Variants in GRIA2 observed in about 807,000 individuals in gnomAD.
GRIA2 encodes glutamate ionotropic receptor AMPA type subunit 2.
A neutral mutation model predicts 97.3 loss-of-function variants in GRIA2; 14 were observed. That is an observed-to-expected ratio of 0.14 (90% CI 0.10 to 0.23). The LOEUF is 0.23. Ranked by LOEUF, GRIA2 falls within the 10% of genes least tolerant of loss-of-function variation. The pLI is 1.00. For missense variants in GRIA2, 558 were observed against 1,069.8 expected (o/e 0.52, Z 6.67); for synonymous variants, 412 against 387.8 (o/e 1.06, Z -0.73).
chr4:157,255,799 A>G (rs1314272357), intron 2 of GRIA2, among the ~76,000 whole-genome samples: 1 of 151,878 alleles, frequency 6.6e-6, no homozygotes, highest in Non-Finnish European at 1.5e-5. Context: ...AACCAAATAA[A>G]CAACCATAAC....
At position 157,361,722 on chromosome 4, in the gene GRIA2, G is replaced by T; in HGVS notation, c.2406+598G>T. On this transcript the variant is annotated intron_variant, in intron 14 of 15. Transcript: ENST00000264426. The surrounding 1 kb of genome is among the most constrained non-coding windows in gnomAD (Gnocchi z 5.2). ...AACAGCAAAATCAAACCACAAGTGT[G>T]TTAGTGGGAATGACCCATCTTAAAT... is the stretch of plus-strand genomic sequence containing the variant. The T allele has an allele frequency of 1.9e-6, 2 of 1,041,332 alleles. No individual in the cohort carries two copies. The highest frequency in any genetic ancestry group is 2.4e-5 in the East Asian group (1 of 41,352). 64.5% of individuals were successfully genotyped at this position (1,041,332 alleles called of 1,614,324 possible).
At position 157,363,447 on chromosome 4, in the gene GRIA2, G is replaced by A. The variant is rs2127005932; in HGVS notation, c.*16G>A. 9.7e-6 allele frequency: 12 copies of A among 1,243,444 alleles called. No homozygotes were observed. The South Asian group carries it at 4.7e-4, about 48-fold the overall frequency. The allele number at this position is 1,243,444 out of a possible 1,614,324, so 77.0% of individuals were successfully genotyped here. ...TCTCTCATTTAAGATGACCTTGAAT[G>A]ATGCCATGAGGAACAAGGCAAGGCT... On this transcript the variant is annotated 3_prime_UTR_variant, in exon 16 of 16. Coordinates refer to ENST00000264426, the MANE Select transcript of GRIA2 (RefSeq NM_001083619.3).
intron 12 of GRIA2, among the ~76,000 whole-genome samples, chr4:157,355,945 ATATATTTATATATT>A (rs1736304477): frequency 2.8e-4 from 1 of 3,630 alleles, no homozygotes; most frequent in African/African-American, 4.3e-4. Context: ...ATATATTAAT[ATATATTTATATATT>A]TATGTATATT....
At chr4:157,344,779 A>T (rs1403670701) in intron 12 of GRIA2, among the ~76,000 whole-genome samples, 2 of 152,034 alleles carry the variant, frequency 1.3e-5, no homozygotes, top group African/African-American at 4.8e-5. Flanking sequence ...AGAGATTTGG[A>T]TTTAGCATCG....
intron 2 of GRIA2, among the ~76,000 whole-genome samples, chr4:157,259,551 T>C (rs1016726071): frequency 6.6e-6 from 1 of 152,150 alleles, no homozygotes; most frequent in Non-Finnish European, 1.5e-5. Flanking sequence ...TAGGGTACAT[T>C]CATCCTGTGT....
At chr4:157,363,169 T>C (rs1009067409) in intron 15 of GRIA2, 122 bp downstream of exon 15, 1 of 1,088,580 alleles carries the variant, frequency 9.2e-7, no homozygotes, top group Non-Finnish European at 1.3e-6. Flanking sequence ...TTGACGTTCT[T>C]CCATGTTCCC....
In GRIA2 at chr4:157,271,134, T is replaced by C. The variant is rs980554618; in HGVS notation, c.230-32418T>C. 4.6e-5 allele frequency among the ~76,000 whole-genome samples: 7 copies of C among 152,126 alleles called. No individual in the cohort carries two copies. In the East Asian group the frequency reaches 1.4e-3, roughly 29 times the overall value. The stretch of plus-strand genomic sequence containing the variant: ...ATGCACAATTAAAGCACTTTTTCTG[T>C]TTTTTTACTCAACAACAATCAACTC... On this transcript the variant is annotated intron_variant, in intron 2 of 15. Transcript: ENST00000264426.
intron 2 of GRIA2, among the ~76,000 whole-genome samples, chr4:157,282,803 T>G (rs537587575): frequency 1.4e-3 from 206 of 152,212 alleles, no homozygotes; most frequent in African/African-American, 4.7e-3. Flanking sequence ...TCTGGCAATG[T>G]TTACCAATCA....
At chr4:157,297,684 GAA>G (rs1733411937) in intron 2 of GRIA2, among the ~76,000 whole-genome samples, 1 of 152,060 alleles carries the variant, frequency 6.6e-6, no homozygotes, top group African/African-American at 2.4e-5. Context: ...CAAGATTCTT[GAA>G]AACAGAATAA....
intron 14 of GRIA2, chr4:157,362,433 C>A: frequency 2.2e-6 from 1 of 463,128 alleles, no homozygotes; most frequent in Non-Finnish European, 4.3e-6. Flanking sequence ...TCAGCTTTAC[C>A]AGATTATTTA....
chr4:157,241,330 A>G (rs951219627), intron 2 of GRIA2, among the ~76,000 whole-genome samples: 19 of 152,206 alleles, frequency 1.2e-4, no homozygotes, highest in Middle Eastern at 3.4e-3. Flanking sequence ...GCTTTTTGGC[A>G]GCTTTCAGGA....
chr4:157,337,508 G>A (rs996725261), intron 11 of GRIA2, among the ~76,000 whole-genome samples: 4 of 151,918 alleles, frequency 2.6e-5, no homozygotes, highest in Non-Finnish European at 5.9e-5. Flanking sequence ...CTCTTCAGAG[G>A]AATAAATCAT....
At chr4:157,329,223 C>T (rs1024531716) in intron 6 of GRIA2, among the ~76,000 whole-genome samples, 3 of 151,772 alleles carry the variant, frequency 2.0e-5, no homozygotes, top group Admixed American at 6.6e-5. Context: ...TATAGATTTA[C>T]TTATCTTTCC....
Position 157,342,190 on chromosome 4 carries a change from T to C in GRIA2, c.2043+728T>C, listed in dbSNP as rs763995201. 64 of 972,018 alleles carry C rather than the reference T, an allele frequency of 6.6e-5. No homozygotes were observed. In the Middle Eastern group the frequency reaches 2.1e-3, roughly 32 times the overall value. The allele number at this position is 972,018 out of a possible 1,614,324, so 60.2% of individuals were successfully genotyped here. A position where few individuals can be genotyped will look rare whatever the true frequency, so the allele number is the denominator to read the frequency against. ...AGGTCTGAAGCCAATATATGTGACA[T>C]ATAATGGTCTCTGATAATCTACAAA... On this transcript the variant is annotated intron_variant, in intron 12 of 15. Coordinates refer to ENST00000264426, the MANE Select transcript of GRIA2 (RefSeq NM_001083619.3).
intron 2 of GRIA2, among the ~76,000 whole-genome samples, chr4:157,262,627 C>A (rs1481076788): frequency 6.6e-6 from 1 of 151,974 alleles, no homozygotes; most frequent in Non-Finnish European, 1.5e-5. Flanking sequence ...AGTTTACATG[C>A]CTAGAATCTA....
intron 5 of GRIA2, among the ~76,000 whole-genome samples, chr4:157,318,493 G>A (rs1579359134): frequency 2.0e-5 from 3 of 151,968 alleles, no homozygotes; most frequent in Admixed American, 2.0e-4. Flanking sequence ...ACGGCTTCTT[G>A]GGTTTGTGTT....
At chr4:157,352,896 T>C (rs1273186988) in intron 12 of GRIA2, among the ~76,000 whole-genome samples, 3 of 151,126 alleles carry the variant, frequency 2.0e-5, no homozygotes, top group African/African-American at 7.3e-5. Context: ...CTGTCTCTAC[T>C]AAAAACACAA....
intron 6 of GRIA2, among the ~76,000 whole-genome samples, chr4:157,323,930 C>T (rs1416312437): frequency 1.3e-5 from 2 of 152,070 alleles, no homozygotes; most frequent in Non-Finnish European, 2.9e-5. Flanking sequence ...TGCTTCTTCA[C>T]GGTGAGGTGT....
chr4:157,270,811 G>T (rs1731987244), intron 2 of GRIA2, among the ~76,000 whole-genome samples: 1 of 152,174 alleles, frequency 6.6e-6, no homozygotes, highest in African/African-American at 2.4e-5. Flanking sequence ...ATCTTGGAGA[G>T]GGAGGAGGAG....
Sources: allele counts gnomAD v4.1 joint callset (sites outside exome capture counted in the v4.1 genomes callset), GRCh38; gene constraint gnomAD v4.1.1; non-coding constraint Gnocchi (gnomAD v3.1); transcripts MANE v1.5; gene names NCBI Gene and HGNC (gene_info 2026-07-23, HGNC 2026-07-21).